The following CACNA1E variants were observed in gnomAD, a reference collection of about 807,000 sequenced individuals.
CACNA1E encodes the protein calcium voltage-gated channel subunit alpha1 E.
A neutral mutation model predicts 259.2 loss-of-function variants in CACNA1E; 40 were observed. The ratio of observed to expected loss-of-function variants is 0.15; its 90% confidence interval spans 0.12 to 0.20. CACNA1E has a LOEUF of 0.20. Among genes scored for constraint, CACNA1E ranks in the 10% least tolerant of loss-of-function variants. The pLI, the probability that CACNA1E is intolerant of heterozygous loss-of-function variation, is 1.00. For synonymous variants in CACNA1E, 1,104 were observed against 1,138.5 expected, an observed-to-expected ratio of 0.97 and a Z score of 0.61; for missense variants, 1,874 against 3,040.1, an observed-to-expected ratio of 0.62 and a Z score of 9.02.
chr1:181,638,196 T>C (rs1324624335), intron 6 of CACNA1E, among the ~76,000 whole-genome samples: 2 of 152,218 alleles, frequency 1.3e-5, no homozygotes, highest in East Asian at 3.8e-4. Context: ...ATGGCTGTTG[T>C]ACAACTAGCC....
At chr1:181,580,515 GC>G in intron 5 of CACNA1E, 79 bp from the exon 6 acceptor site, 1 of 1,374,562 alleles carries the variant, frequency 7.3e-7, no homozygotes, top group Non-Finnish European at 1.0e-6. Context: ...GGAATTGCTT[GC>G]CTATGGCTTC....
intron 7 of CACNA1E, among the ~76,000 whole-genome samples, chr1:181,705,751 T>C (rs1652733472): frequency 6.6e-6 from 1 of 152,206 alleles, no homozygotes; most frequent in Non-Finnish European, 1.5e-5. Context: ...CTTATGGGAA[T>C]CTAGTCAGGA....
chr1:181,547,240 C>G (rs1647575200), intron 3 of CACNA1E, among the ~76,000 whole-genome samples: 2 of 152,184 alleles, frequency 1.3e-5, no homozygotes, highest in South Asian at 2.1e-4. Context: ...GCCCCCGACT[C>G]TGGCCACCGA....
At chr1:181,646,223 A>G (rs140523557) in intron 6 of CACNA1E, among the ~76,000 whole-genome samples, 71 of 152,324 alleles carry the variant, frequency 4.7e-4, no homozygotes, top group Middle Eastern at 3.4e-3. Flanking sequence ...TTCTTAATCA[A>G]AAGTAATCTT....
intron 6 of CACNA1E, among the ~76,000 whole-genome samples, chr1:181,588,665 T>G (rs1484557004): frequency 2.6e-5 from 4 of 152,252 alleles, no homozygotes; most frequent in African/African-American, 9.6e-5. Flanking sequence ...GTCTTTTGTC[T>G]GTGCATAGCC....
chr1:181,366,490 A>T lies in CACNA1E; in HGVS notation c.-14-46643A>T, dbSNP rs73042240. On this transcript the variant is annotated intron_variant, in intron 1 of 11. Coordinates refer to the CACNA1E transcript ENST00000524607. ...CTTGCCACTTTCCTCTGCTTTTCTC[A>T]TTTATCCCTCTTTTTTTGCAACTTG... is the stretch of plus-strand genomic sequence containing the variant. Among the ~76,000 whole-genome samples, 665 of 152,210 alleles carry T rather than the reference A, an allele frequency of 4.4e-3. 5 individuals carry two copies. Among genetic ancestry groups the T allele is most frequent in the African/African-American group, 0.015 (634 of 41,522 alleles).
intron 1 of CACNA1E, among the ~76,000 whole-genome samples, chr1:181,362,118 C>T (rs966505646): frequency 6.6e-5 from 10 of 152,174 alleles, no homozygotes; most frequent in African/African-American, 2.4e-4. Flanking sequence ...ATTAAATGAA[C>T]CTTAATGGAC....
chr1:181,628,119 C>T (rs192636909), intron 6 of CACNA1E, among the ~76,000 whole-genome samples: 3 of 152,134 alleles, frequency 2.0e-5, no homozygotes, highest in Non-Finnish European at 2.9e-5. Flanking sequence ...ATGTCGATAA[C>T]CTTTGGAACC....
chr1:181,794,931 C>T lies in CACNA1E; in HGVS notation c.6095C>T (p.Ser2032Leu), dbSNP rs1049589906. ...STIRDKRSNS[S>L]WLEEFSMERS... ...ATTCGGGATAAGCGTTCAAATTCCTCGTGGTTGGAGGAATTCTCCATGGAG... is the reference window on the plus strand; with the variant it reads ...ATTCGGGATAAGCGTTCAAATTCCTTGTGGTTGGAGGAATTCTCCATGGAG... Residue 2032 changes from serine to leucine, a missense_variant, in exon 46 of 48, where the codon TCG becomes TTG. Ser to Leu is a moderately radical substitution (Grantham distance 145). This residue lies in a region of CACNA1E where 542 missense variants were observed against 587.2 expected (regional missense o/e 0.92). Transcript: ENST00000367573. The T allele has an allele frequency of 1.6e-5, 26 of 1,613,766 alleles. No individual in the cohort carries two copies. Among genetic ancestry groups the T allele is most frequent in the African/African-American group, 5.3e-5 (4 of 74,914 alleles).
In CACNA1E at chr1:181,327,383, G is replaced by A. The variant is rs559882196; in HGVS notation, c.-15+9260G>A. ...AGTTGACGGAAGGCAGTAATACTAC[G>A]GAGTGTGTATGTGGTATATATATAT... On this transcript the variant is annotated intron_variant, in intron 1 of 11. Transcript: ENST00000524607. Among the ~76,000 whole-genome samples the A allele has an allele frequency of 4.6e-5, 7 of 152,292 alleles. No homozygotes were observed. The East Asian group carries it at 7.7e-4, about 17-fold the overall frequency.
chr1:181,769,428 T>C (rs1659303696), intron 35 of CACNA1E, among the ~76,000 whole-genome samples: 1 of 150,982 alleles, frequency 6.6e-6, no homozygotes, highest in Admixed American at 6.6e-5. Flanking sequence ...TTATGTTTGT[T>C]TTGTTCTGCT....
At chr1:181,693,128 C>CAAAA (rs61662957) in intron 7 of CACNA1E, among the ~76,000 whole-genome samples, 445 of 97,700 alleles carry the variant, frequency 4.6e-3, no homozygotes, top group Middle Eastern at 0.014. Flanking sequence ...CTATCTAAAG[C>CAAAA]AAAAAAAAAA....
chr1:181,452,560 C>A (rs1661223869), intron 2 of CACNA1E, among the ~76,000 whole-genome samples: 1 of 152,170 alleles, frequency 6.6e-6, no homozygotes, highest in African/African-American at 2.4e-5. Context: ...CAGAGCCCTA[C>A]CTCAGCCAGG....
intron 1 of CACNA1E, among the ~76,000 whole-genome samples, chr1:181,407,037 C>T (rs1657512486): frequency 6.6e-6 from 1 of 152,196 alleles, no homozygotes; most frequent in African/African-American, 2.4e-5. Context: ...AATACGGACT[C>T]TTTCAACTCC....
Position 181,686,283 on chromosome 1 carries a change from T to TTTTTTTTGTTTG in CACNA1E, c.1056-24664_1056-24663insGTTTGTTTTTTT, listed in dbSNP as rs1553321332. ...AGGCCAGTAAGAACCAAGTTTTTTT[T>TTTTTTTTGTTTG]TTTTTTTTTTTTTTTTTTTTGAGAT... On this transcript the variant is annotated intron_variant, in intron 7 of 47. Transcript: ENST00000367573. Among the ~76,000 whole-genome samples the TTTTTTTTGTTTG allele has an allele frequency of 3.3e-4, 40 of 122,780 alleles. 1 individual carries two copies. Among genetic ancestry groups the TTTTTTTTGTTTG allele is most frequent in the Admixed American group, 1.1e-3 (13 of 11,314 alleles). The allele number at this position is 122,780 out of a possible 152,430, so 80.5% of individuals were successfully genotyped here.
chr1:181,753,278 T>TG (rs1434795337), intron 27 of CACNA1E, among the ~76,000 whole-genome samples: 1 of 152,186 alleles, frequency 6.6e-6, no homozygotes, highest in Non-Finnish European at 1.5e-5. Context: ...CTTCTTAAAA[T>TG]CCAGATTGCT....
At chr1:181,652,503 T>G (rs1658846811) in intron 7 of CACNA1E, among the ~76,000 whole-genome samples, 1 of 152,194 alleles carries the variant, frequency 6.6e-6, no homozygotes, top group East Asian at 1.9e-4. Context: ...AACAACATTT[T>G]TGAACATAGA....
chr1:181,426,935 G>A (rs1197034012), intron 2 of CACNA1E, among the ~76,000 whole-genome samples: 1 of 22,770 alleles, frequency 4.4e-5, no homozygotes, highest in South Asian at 1.4e-3. Flanking sequence ...CAGCTCAACC[G>A]CTGCCCATCT....
intron 1 of CACNA1E, among the ~76,000 whole-genome samples, chr1:181,372,821 TA>T (rs1364699624): frequency 4.5e-5 from 6 of 133,264 alleles, no homozygotes; most frequent in Admixed American, 7.5e-5. Flanking sequence ...TATATATATA[TA>T]TATATATTTT....
Sources: gnomAD v4.1 joint callset for allele counts (sites outside exome capture counted in the v4.1 genomes callset) on GRCh38, gnomAD v4.1.1 for gene constraint, gnomAD v4.1.1 regional missense constraint, MANE v1.5 for transcripts, NCBI Gene and HGNC (gene_info 2026-07-23, HGNC 2026-07-21) for gene names.